SLC4A4: variants seen among roughly 807,000 people sequenced by gnomAD.
The protein encoded by SLC4A4 is solute carrier family 4 member 4, also known as electrogenic sodium bicarbonate cotransporter 1.
In SLC4A4, 27 loss-of-function variants were observed where a neutral mutation model predicts 111.5. The observed-to-expected ratio is 0.24, with a 90% confidence interval of 0.18 to 0.33. The LOEUF is 0.33. Among genes scored for constraint, SLC4A4 ranks in the 10% least tolerant of loss-of-function variants. The pLI is 1.00. For missense variants in SLC4A4, 909 were observed against 1,315.5 expected, an observed-to-expected ratio of 0.69 and a Z score of 4.78; for synonymous variants, 443 against 463.4, an observed-to-expected ratio of 0.96 and a Z score of 0.57.
In SLC4A4 at chr4:71,339,543, G is replaced by A. The variant is rs780941057; in HGVS notation, c.389+38G>A. On this transcript the variant is annotated intron_variant, in intron 4 of 25. Transcript: ENST00000264485. ...TGACTGTATGTAGTACTGACCCAGG[G>A]AAACAAGGGCAGGGCAAGATGCTTG... 2.5e-6 allele frequency: 4 copies of A among 1,603,750 alleles called. No individual in the cohort carries two copies. The South Asian group carries it at 4.4e-5, about 18-fold the overall frequency.
chr4:71,261,420 G>A (rs1296552164), intron 3 of SLC4A4, among the ~76,000 whole-genome samples: 1 of 152,162 alleles, frequency 6.6e-6, no homozygotes, highest in Non-Finnish European at 1.5e-5. Flanking sequence ...AAATTAATCT[G>A]GTTAAGAAGG....
chr4:71,100,660 C>T (rs1742702374), intron 2 of SLC4A4, among the ~76,000 whole-genome samples: 1 of 152,046 alleles, frequency 6.6e-6, no homozygotes, highest in African/African-American at 2.4e-5. Context: ...TCAAACTGTC[C>T]CTGTTTGCAG....
chr4:71,142,261 C>T (rs1409336990), intron 2 of SLC4A4, among the ~76,000 whole-genome samples: 1 of 152,208 alleles, frequency 6.6e-6, no homozygotes, highest in Non-Finnish European at 1.5e-5. Flanking sequence ...TGAGTAGCCG[C>T]TTTCTTTTAC....
chr4:71,098,454 T>C (rs184465479), intron 2 of SLC4A4, among the ~76,000 whole-genome samples: 2 of 152,324 alleles, frequency 1.3e-5, no homozygotes, highest in Admixed American at 6.5e-5. Flanking sequence ...TGAAGTCAGG[T>C]AGCATGATGC....
intron 2 of SLC4A4, among the ~76,000 whole-genome samples, chr4:71,108,018 A>T (rs1742991927): frequency 6.6e-6 from 1 of 152,174 alleles, no homozygotes; most frequent in East Asian, 1.9e-4. Flanking sequence ...ATTTAAATTT[A>T]TACCATATTA....
At chr4:71,503,655 T>G (rs1164499492) in intron 16 of SLC4A4, among the ~76,000 whole-genome samples, 1 of 152,204 alleles carries the variant, frequency 6.6e-6, no homozygotes, top group Non-Finnish European at 1.5e-5. Context: ...TCTTAGTCAC[T>G]AATTATGGCT....
intron 6 of SLC4A4, among the ~76,000 whole-genome samples, chr4:71,381,230 T>C (rs1260395918): frequency 1.3e-5 from 2 of 152,188 alleles, no homozygotes; most frequent in South Asian, 2.1e-4. Flanking sequence ...TCTGTAAATG[T>C]CTTGCTTTAA....
chr4:71,544,311 G>A lies in SLC4A4; in HGVS notation c.2443-2039G>A, dbSNP rs10009516. Among the ~76,000 whole-genome samples the A allele has an allele frequency of 5.7e-3, 869 of 152,130 alleles. 12 individuals carry two copies. Among genetic ancestry groups the A allele is most frequent in the African/African-American group, 0.02 (827 of 41,546 alleles). On this transcript the variant is annotated intron_variant, in intron 18 of 25. Coordinates refer to ENST00000264485, the MANE Select transcript of SLC4A4 (RefSeq NM_001098484.3). Reference sequence around the variant, plus strand: ...CGAGAGAAAGAACAAAGGAAGAGTAGAGGTTATTCCGGGTAGAAGAGGCTA... The same window carrying A: ...CGAGAGAAAGAACAAAGGAAGAGTAAAGGTTATTCCGGGTAGAAGAGGCTA...
chr4:71,544,322 G>A (rs1735316770), intron 18 of SLC4A4, among the ~76,000 whole-genome samples: 6 of 152,044 alleles, frequency 3.9e-5, no homozygotes, highest in African/African-American at 1.2e-4. Context: ...AGGTTATTCC[G>A]GGTAGAAGAG....
intron 16 of SLC4A4, among the ~76,000 whole-genome samples, chr4:71,512,325 G>A (rs1308815610): frequency 6.6e-6 from 1 of 151,878 alleles, no homozygotes; most frequent in African/African-American, 2.4e-5. Flanking sequence ...GGTCTTTTTA[G>A]TAATAGCTAC....
At chr4:71,401,302 T>A (rs1001814601) in intron 7 of SLC4A4, among the ~76,000 whole-genome samples, 1 of 152,212 alleles carries the variant, frequency 6.6e-6, no homozygotes, top group Admixed American at 6.5e-5. Context: ...GCGGCTGCTT[T>A]ATTGAAAAAT....
chr4:71,486,803 A>T, intron 14 of SLC4A4, 145 bp from the exon 15 acceptor site: 2 of 544,580 alleles, frequency 3.7e-6, no homozygotes, highest in East Asian at 6.3e-5. Flanking sequence ...ACACATTTAT[A>T]ATAAATAAAA....
intron 7 of SLC4A4, among the ~76,000 whole-genome samples, chr4:71,433,323 A>G (rs191554010): frequency 9.9e-5 from 15 of 151,814 alleles, no homozygotes; most frequent in Admixed American, 2.0e-4. Context: ...GTTCCCATCT[A>G]AAGCTAACTT....
In SLC4A4 at chr4:71,449,562, T is replaced by C. The variant is rs146278782; in HGVS notation, c.1054-827T>C. On this transcript the variant is annotated intron_variant, in intron 9 of 25. Coordinates refer to ENST00000264485, the MANE Select transcript of SLC4A4 (RefSeq NM_001098484.3). ...TACTTAATTGATAGCTTTTAAAAAT[T>C]CTTTTCCTAGAGAAGTGGTTTAGTC... Among the ~76,000 whole-genome samples, 1,279 of 152,322 alleles carry C rather than the reference T, an allele frequency of 8.4e-3. 13 individuals are homozygous for C. The highest frequency in any genetic ancestry group is 0.014 in the Non-Finnish European group (965 of 68,038).
intron 2 of SLC4A4, among the ~76,000 whole-genome samples, chr4:71,178,568 T>C (rs1306424811): frequency 2.6e-5 from 4 of 152,318 alleles, no homozygotes; most frequent in Non-Finnish European, 5.9e-5. Flanking sequence ...CAGAGAATAC[T>C]ATAAACACCT....
chr4:71,111,178 C>T (rs751467207), intron 2 of SLC4A4, among the ~76,000 whole-genome samples: 1 of 152,268 alleles, frequency 6.6e-6, no homozygotes. Context: ...CTGGGACTGT[C>T]TAGGTTTTCA....
chr4:71,297,456 A>G (rs185331113), intron 3 of SLC4A4, among the ~76,000 whole-genome samples: 7 of 151,880 alleles, frequency 4.6e-5, no homozygotes, highest in Admixed American at 3.3e-4. Flanking sequence ...GCTGTAGAAG[A>G]TAATTACTTA....
intron 7 of SLC4A4, among the ~76,000 whole-genome samples, chr4:71,435,168 G>A (rs1348955438): frequency 2.0e-5 from 3 of 152,064 alleles, no homozygotes; most frequent in Non-Finnish European, 4.4e-5. Flanking sequence ...ATACTACAAG[G>A]CTACAGTAAC....
At chr4:71,382,069 A>G in intron 6 of SLC4A4, among the ~76,000 whole-genome samples, 1 of 152,176 alleles carries the variant, frequency 6.6e-6, no homozygotes. Context: ...CTCAATACAA[A>G]TATTTAGAGG....
Sources: allele counts gnomAD v4.1 joint callset (sites outside exome capture counted in the v4.1 genomes callset), GRCh38; gene constraint gnomAD v4.1.1; transcripts MANE v1.5; gene names NCBI Gene and HGNC (gene_info 2026-07-23, HGNC 2026-07-21).